Variants in ESRRB observed in about 807,000 individuals in gnomAD.
ESRRB encodes estrogen related receptor beta.
Under a neutral mutation model 46.0 loss-of-function variants are expected in ESRRB, and 16 were observed. The observed-to-expected ratio is 0.35, with a 90% CI of 0.24 to 0.53. ESRRB has a LOEUF of 0.53. ESRRB is among the 20% of genes least tolerant of loss of function. The pLI is 0.93. For missense variants in ESRRB, 488 were observed against 607.4 expected (o/e 0.80, Z 2.07); for synonymous variants, 246 against 259.6 (o/e 0.95, Z 0.50).
chr14:76,356,506 A>C lies in ESRRB; in HGVS notation c.2+45590A>C, dbSNP rs188809991. ...TGTTATCCTGACTCTAGGATGACAG[A>C]ACGAACATTGTCATTGAAACCCACA... On this transcript the variant is annotated intron_variant, in intron 1 of 6. Coordinates refer to the ESRRB transcript ENST00000512784. Among the ~76,000 whole-genome samples, 35 of 152,240 alleles carry C rather than the reference A, an allele frequency of 2.3e-4. 1 individual carries two copies. In the South Asian group the frequency reaches 3.5e-3, roughly 15 times the overall value.
At chr14:76,399,877 G>A (rs1885863264) in intron 1 of ESRRB, among the ~76,000 whole-genome samples, 2 of 152,172 alleles carry the variant, frequency 1.3e-5, no homozygotes, top group African/African-American at 2.4e-5. Context: ...AGATGCTGCC[G>A]TTTCAAGGAG....
At chr14:76,387,833 G>A (rs1168817360) in intron 1 of ESRRB, among the ~76,000 whole-genome samples, 3 of 152,226 alleles carry the variant, frequency 2.0e-5, no homozygotes, top group Admixed American at 6.5e-5. Context: ...GGGGATAGGA[G>A]AGCTAAATAT....
At chr14:76,325,414 G>A (rs529143145) in intron 1 of ESRRB, among the ~76,000 whole-genome samples, 1 of 152,276 alleles carries the variant, frequency 6.6e-6, no homozygotes, top group South Asian at 2.1e-4. Flanking sequence ...ATTGGTTGTC[G>A]TCTGTCTGGC....
intron 1 of ESRRB, among the ~76,000 whole-genome samples, chr14:76,386,928 C>G (rs1013355575): frequency 6.6e-6 from 1 of 152,112 alleles, no homozygotes; most frequent in Admixed American, 6.5e-5. Flanking sequence ...TTTTTGGGAA[C>G]CTGTCTGTGC....
upstream of ESRRB, among the ~76,000 whole-genome samples, chr14:76,374,063 C>A (rs1430861052): frequency 6.6e-6 from 1 of 152,194 alleles, no homozygotes; most frequent in Non-Finnish European, 1.5e-5. Flanking sequence ...CCCATCACTG[C>A]CTCACCTTCT....
At chr14:76,493,313 C>T (rs1371512621) in intron 6 of ESRRB, among the ~76,000 whole-genome samples, 3 of 152,076 alleles carry the variant, frequency 2.0e-5, no homozygotes, top group African/African-American at 4.8e-5. Context: ...CACCGCCACA[C>T]TCAGCTAATT....
intron 1 of ESRRB, among the ~76,000 whole-genome samples, chr14:76,378,517 C>A (rs1427321517): frequency 6.6e-6 from 1 of 152,044 alleles, no homozygotes; most frequent in Admixed American, 6.5e-5. Context: ...AAAGAATTAG[C>A]TTGTCCCTCC....
At chr14:76,385,549 C>G (rs899073512) in intron 1 of ESRRB, among the ~76,000 whole-genome samples, 1 of 152,172 alleles carries the variant, frequency 6.6e-6, no homozygotes, top group Non-Finnish European at 1.5e-5. Flanking sequence ...TTGAGCGATG[C>G]CTTTATTCAT....
At chr14:76,338,928 G>T (rs1884159037) in intron 1 of ESRRB, among the ~76,000 whole-genome samples, 1 of 152,188 alleles carries the variant, frequency 6.6e-6, no homozygotes, top group South Asian at 2.1e-4. Flanking sequence ...GGGCAACAAA[G>T]CTAGATTCCG....
intron 1 of ESRRB, among the ~76,000 whole-genome samples, chr14:76,393,309 C>T (rs542756485): frequency 2.6e-4 from 39 of 152,230 alleles, no homozygotes; most frequent in East Asian, 7.8e-4. Flanking sequence ...CTCCAGTAGA[C>T]GCCCCTACTT....
intron 2 of ESRRB, among the ~76,000 whole-genome samples, chr14:76,443,380 G>C (rs74497876): frequency 0.011 from 1,729 of 152,254 alleles, 26 homozygotes; most frequent in African/African-American, 0.04. Flanking sequence ...TCTGAGTCTG[G>C]GGGAAGGCCC....
chr14:76,458,904 G>C (rs1000232529), intron 2 of ESRRB, among the ~76,000 whole-genome samples: 2 of 150,372 alleles, frequency 1.3e-5, no homozygotes, highest in African/African-American at 2.5e-5. Flanking sequence ...GAGTGCAGTG[G>C]CGCGATCTCG....
At chr14:76,327,135 C>T (rs892262979) in intron 1 of ESRRB, among the ~76,000 whole-genome samples, 2 of 152,248 alleles carry the variant, frequency 1.3e-5, no homozygotes, top group African/African-American at 4.8e-5. Flanking sequence ...TCACATTGCC[C>T]AGCCTGTGCC....
intron 1 of ESRRB, among the ~76,000 whole-genome samples, chr14:76,413,356 G>A (rs575604954): frequency 2.0e-5 from 3 of 152,138 alleles, no homozygotes; most frequent in Non-Finnish European, 2.9e-5. Context: ...CCTGTGTCCC[G>A]GACTTCCCAC....
At chr14:76,464,383 C>T (rs917377214) in intron 3 of ESRRB, among the ~76,000 whole-genome samples, 22 of 152,310 alleles carry the variant, frequency 1.4e-4, no homozygotes, top group Non-Finnish European at 2.6e-4. Context: ...CAACTTGGAC[C>T]ATCATGTGCT....
intron 1 of ESRRB, among the ~76,000 whole-genome samples, chr14:76,431,294 A>T (rs1373609012): frequency 2.6e-5 from 4 of 152,208 alleles, no homozygotes; most frequent in Non-Finnish European, 5.9e-5. Flanking sequence ...ACTCCATCTC[A>T]AACAAAACAA....
At chr14:76,420,896 T>C (rs1406875537) in intron 1 of ESRRB, among the ~76,000 whole-genome samples, 1 of 152,096 alleles carries the variant, frequency 6.6e-6, no homozygotes, top group Non-Finnish European at 1.5e-5. Context: ...GCCCTGCTGA[T>C]TCCTCTGGCT....
At chr14:76,363,787 T>A (rs1884491425) in intron 1 of ESRRB, among the ~76,000 whole-genome samples, 2 of 152,192 alleles carry the variant, frequency 1.3e-5, no homozygotes, top group Admixed American at 1.3e-4. Context: ...CGCCCTTTCT[T>A]TAGTGACAGC....
Position 76,500,853 on chromosome 14 carries a change from C to A in ESRRB, c.*2395C>A. On this transcript the variant is annotated 3_prime_UTR_variant, in exon 7 of 7. Transcript: ENST00000644823. Reference sequence around the variant, plus strand: ...GGCGGAAGTCCTGATGGTTGGTGTCCATGAGGTGGAAGCTGCTTTTATACT... The same window carrying A: ...GGCGGAAGTCCTGATGGTTGGTGTCAATGAGGTGGAAGCTGCTTTTATACT... 1.1e-6 allele frequency: 1 copy of A among 950,650 alleles called. No individual in the cohort carries two copies. Among genetic ancestry groups the A allele is most frequent in the Non-Finnish European group, 1.7e-6 (1 of 580,356 alleles). The allele number at this position is 950,650 out of a possible 1,614,324, so 58.9% of individuals were successfully genotyped here. A position where few individuals can be genotyped will look rare whatever the true frequency, so the allele number is the denominator to read the frequency against.
Sources: allele counts gnomAD v4.1 joint callset (sites outside exome capture counted in the v4.1 genomes callset), GRCh38; gene constraint gnomAD v4.1.1; transcripts MANE v1.5; gene names NCBI Gene and HGNC (gene_info 2026-07-23, HGNC 2026-07-21).